LONRF1: variants seen among roughly 807,000 people sequenced by gnomAD.
The protein encoded by LONRF1 is LON peptidase N-terminal domain and RING finger protein 1.
LONRF1 carries 37 observed loss-of-function variants against 85.8 expected under a neutral mutation model. That is an observed-to-expected ratio of 0.43 (90% CI 0.33 to 0.57). The LOEUF is 0.57. Among genes scored for constraint, LONRF1 ranks in the 20% least tolerant of loss-of-function variants. The pLI, the probability that LONRF1 is intolerant of heterozygous loss-of-function variation, is 0.04. For missense variants in LONRF1, 1,036 were observed against 978.0 expected, an observed-to-expected ratio of 1.06 and a Z score of -0.79; for synonymous variants, 517 against 390.1, an observed-to-expected ratio of 1.33 and a Z score of -3.83.
At chr8:12,748,097 C>G (rs562390465) in intron 1 of LONRF1, among the ~76,000 whole-genome samples, 1 of 152,144 alleles carries the variant, frequency 6.6e-6, no homozygotes, top group Non-Finnish European at 1.5e-5. Flanking sequence ...TAAGTTACTT[C>G]CAACTTTTGG....
intron 7 of LONRF1, among the ~76,000 whole-genome samples, chr8:12,733,245 T>C (rs771780089): frequency 6.6e-6 from 1 of 152,192 alleles, no homozygotes; most frequent in Non-Finnish European, 1.5e-5. Context: ...AATTCCATTA[T>C]CATTTTCTAT....
intron 6 of LONRF1, among the ~76,000 whole-genome samples, chr8:12,736,226 T>C (rs1385088764): frequency 6.6e-6 from 1 of 152,204 alleles, no homozygotes; most frequent in African/African-American, 2.4e-5. Flanking sequence ...TTTAGTCTTT[T>C]AGAATTATAG....
In LONRF1 at chr8:12,737,308, C is replaced by G. The variant is rs1261094136; in HGVS notation, c.1114-168G>C. The G allele has an allele frequency of 3.4e-6, 3 of 882,512 alleles. No homozygotes were observed. The East Asian group carries it at 7.9e-5, about 23-fold the overall frequency. The allele number at this position is 882,512 out of a possible 1,614,324, so 54.7% of individuals were successfully genotyped here. On this transcript the variant is annotated intron_variant, in intron 4 of 11. Coordinates refer to ENST00000398246, the MANE Select transcript of LONRF1 (RefSeq NM_152271.5). ...ACTGTGACAAGTAAATGATTTTTGC[C>G]AGCACAGTTGGCCCTCCGTATCCAC...
At chr8:12,734,123 G>C (rs1798631261) in intron 7 of LONRF1, among the ~76,000 whole-genome samples, 1 of 152,072 alleles carries the variant, frequency 6.6e-6, no homozygotes, top group Non-Finnish European at 1.5e-5. Flanking sequence ...ATGAAGTCTG[G>C]AAAAATAGCA....
At chr8:12,737,465 A>T (rs1456435867) in intron 4 of LONRF1, 2 of 441,490 alleles carry the variant, frequency 4.5e-6, no homozygotes, top group Non-Finnish European at 8.5e-6. Context: ...CATAGTATTT[A>T]CATTGTATTA....
At chr8:12,751,012 T>C (rs1296198705) in intron 1 of LONRF1, among the ~76,000 whole-genome samples, 2 of 152,190 alleles carry the variant, frequency 1.3e-5, no homozygotes, top group East Asian at 3.8e-4. Context: ...TAGAGACTAT[T>C]CTCATTTTTC....
chr8:12,732,311 C>T (rs757203737), intron 7 of LONRF1, among the ~76,000 whole-genome samples: 14 of 152,188 alleles, frequency 9.2e-5, no homozygotes, highest in Non-Finnish European at 1.9e-4. Flanking sequence ...GACACAGTCT[C>T]TAGATAAATT....
chr8:12,752,913 A>T (rs1410833399), intron 1 of LONRF1: 1 of 152,230 alleles, frequency 6.6e-6, no homozygotes, highest in Admixed American at 6.5e-5. Context: ...TGAACCCTAG[A>T]CCAACGTTTA....
intron 1 of LONRF1, among the ~76,000 whole-genome samples, chr8:12,744,249 T>C (rs986794597): frequency 1.3e-5 from 2 of 152,214 alleles, no homozygotes; most frequent in Non-Finnish European, 2.9e-5. Flanking sequence ...ATGATTGCTT[T>C]TCTATTCAAA....
Position 12,722,365 on chromosome 8 carries a change from C to G in LONRF1, c.*731G>C, listed in dbSNP as rs1417198432. On this transcript the variant is annotated 3_prime_UTR_variant, in exon 12 of 12. Coordinates refer to ENST00000398246, the MANE Select transcript of LONRF1 (RefSeq NM_152271.5). ...TACAATTAAATGTAAACCATATTTT[C>G]ACAGTTTTGAGTGTTTTATGAATAG... 6.6e-6 allele frequency: 1 copy of G among 152,616 alleles called. No individual in the cohort carries two copies. Among genetic ancestry groups the G allele is most frequent in the African/African-American group, 2.4e-5 (1 of 41,434 alleles). The allele number at this position is 152,616 out of a possible 1,614,324, so 9.5% of individuals were successfully genotyped here. A position where few individuals can be genotyped will look rare whatever the true frequency, so the allele number is the denominator to read the frequency against.
intron 11 of LONRF1, among the ~76,000 whole-genome samples, chr8:12,724,346 C>T (rs4831768): frequency 0.74 from 113,246 of 152,078 alleles, 43,971 homozygotes; most frequent in East Asian, 0.98. Flanking sequence ...TAGACTGAGA[C>T]AGTGGTGCAG....
chr8:12,751,185 T>C (rs956550883), intron 1 of LONRF1, among the ~76,000 whole-genome samples: 4 of 152,024 alleles, frequency 2.6e-5, no homozygotes, highest in Non-Finnish European at 4.4e-5. Context: ...AGTTTCCCTC[T>C]GAGGATAATA....
At position 12,725,719 on chromosome 8, in the gene LONRF1, C is replaced by A. The variant is rs763429631; in HGVS notation, c.2163+8G>T. ...GTGACTTTTGGAAGAACAGAAAAGC[C>A]ACCATACCTGAAGGTTTTCCTCCCT... On this transcript the variant is annotated splice_region_variant and intron_variant, in intron 11 of 11. Coordinates refer to ENST00000398246, the MANE Select transcript of LONRF1 (RefSeq NM_152271.5). 5 of 1,604,868 alleles carry A rather than the reference C, an allele frequency of 3.1e-6. No individual in the cohort carries two copies. In the South Asian group the frequency reaches 5.5e-5, roughly 18 times the overall value.
chr8:12,739,967 G>C (rs1798867320), intron 3 of LONRF1, among the ~76,000 whole-genome samples: 1 of 152,172 alleles, frequency 6.6e-6, no homozygotes, highest in East Asian at 1.9e-4. Context: ...CAATCTCAAA[G>C]TTCTCATGCT....
rs1293814029 is a variant in LONRF1, at chr8:12,751,308, T to TTTG, written c.721+3391_721+3392insCAA. On this transcript the variant is annotated intron_variant, in intron 1 of 11. Coordinates refer to ENST00000398246, the MANE Select transcript of LONRF1 (RefSeq NM_152271.5). The stretch of plus-strand genomic sequence containing the variant: ...TTTTTATTTTTATGTTTTTTTTTTT[T>TTTG]TTTTTTTTTTTTGAGACTGAGTCTT... Among the ~76,000 whole-genome samples, 516 of 134,658 alleles carry TTTG rather than the reference T, an allele frequency of 3.8e-3. 17 individuals carry two copies. Among genetic ancestry groups the TTTG allele is most frequent in the Non-Finnish European group, 5.1e-3 (322 of 62,762 alleles). The allele number at this position is 134,658 out of a possible 152,430, so 88.3% of individuals were successfully genotyped here.
chr8:12,750,489 A>T (rs1018608072), intron 1 of LONRF1, among the ~76,000 whole-genome samples: 1 of 152,244 alleles, frequency 6.6e-6, no homozygotes, highest in African/African-American at 2.4e-5. Flanking sequence ...ACAATATAAC[A>T]ATATGCTGTG....
At chr8:12,751,304 T>TTTGTTTGTTTGTTTG (rs59347201) in intron 1 of LONRF1, among the ~76,000 whole-genome samples, 5 of 122,100 alleles carry the variant, frequency 4.1e-5, no homozygotes, top group Non-Finnish European at 6.8e-5. Flanking sequence ...ATGTTTTTTT[T>TTTGTTTGTTTGTTTG]TTTTTTTTTT....
chr8:12,737,944 C>G, intron 4 of LONRF1, 51 bp downstream of exon 4: 1 of 1,541,802 alleles, frequency 6.5e-7, no homozygotes. Context: ...GCTCTTAACT[C>G]GTAAAGAAAT....
intron 6 of LONRF1, chr8:12,735,602 T>A (rs1224831296): frequency 3.8e-6 from 2 of 530,076 alleles, no homozygotes; most frequent in Non-Finnish European, 6.8e-6. Flanking sequence ...AAAGGCCTCC[T>A]GCCAAAGGCC....
Sources: gnomAD v4.1 joint callset for allele counts (sites outside exome capture counted in the v4.1 genomes callset) on GRCh38, gnomAD v4.1.1 for gene constraint, MANE v1.5 for transcripts, NCBI Gene and HGNC (gene_info 2026-07-23, HGNC 2026-07-21) for gene names.